PSD3: variants seen among roughly 807,000 people sequenced by gnomAD.
PSD3 encodes pleckstrin and Sec7 domain containing 3.
Under a neutral mutation model 105.5 loss-of-function variants are expected in PSD3, and 49 were observed. That is an observed-to-expected ratio of 0.46 (90% CI 0.37 to 0.59). The LOEUF (loss-of-function observed/expected upper bound fraction) is 0.59. Among genes scored for constraint, PSD3 ranks in the 20% least tolerant of loss-of-function variants. The pLI, the probability that PSD3 is intolerant of heterozygous loss-of-function variation, is 0.00. For missense variants in PSD3, 1,561 were observed against 1,263.8 expected (o/e 1.24, Z -3.57); for synonymous variants, 557 against 457.8 (o/e 1.22, Z -2.77).
At chr8:18,942,757 A>C (rs1160534608) in intron 1 of PSD3, among the ~76,000 whole-genome samples, 1 of 152,036 alleles carries the variant, frequency 6.6e-6, no homozygotes, top group Non-Finnish European at 1.5e-5. Flanking sequence ...TCGAATTTCT[A>C]CTCTCTAGAA....
At chr8:18,662,826 G>A (rs1684325536) in intron 9 of PSD3, among the ~76,000 whole-genome samples, 1 of 152,098 alleles carries the variant, frequency 6.6e-6, no homozygotes, top group Non-Finnish European at 1.5e-5. Flanking sequence ...ATGACTACCT[G>A]CTCTCAAATC....
In PSD3 at chr8:18,936,019, T is replaced by C. The variant is rs761521441; in HGVS notation, c.130+15A>G. 3.9e-6 allele frequency: 6 copies of C among 1,528,028 alleles called. No individual in the cohort carries two copies. In the Admixed American group the frequency reaches 8.4e-5, roughly 21 times the overall value. 94.7% of individuals were successfully genotyped at this position (1,528,028 alleles called of 1,614,324 possible). ...ATATAGTTTACCTGGGAGAGGGATATGAGGAAATACTTACTAGTATCTGGA... is the reference window on the plus strand; with the variant it reads ...ATATAGTTTACCTGGGAGAGGGATACGAGGAAATACTTACTAGTATCTGGA... On this transcript the variant is annotated intron_variant, in intron 2 of 15. Transcript: ENST00000327040.
chr8:18,903,568 T>A (rs1471059124), intron 2 of PSD3, among the ~76,000 whole-genome samples: 1 of 152,146 alleles, frequency 6.6e-6, no homozygotes, highest in Non-Finnish European at 1.5e-5. Flanking sequence ...TATAGGCCAG[T>A]GTGTCTCAGC....
chr8:19,067,946 G>A (rs1325359837), intron 1 of PSD3, among the ~76,000 whole-genome samples: 1 of 152,142 alleles, frequency 6.6e-6, no homozygotes, highest in Non-Finnish European at 1.5e-5. Flanking sequence ...TTGTGGGTAC[G>A]AAGGAAAATC....
intron 4 of PSD3, among the ~76,000 whole-genome samples, chr8:18,854,912 C>T (rs1815882272): frequency 6.6e-6 from 1 of 152,210 alleles, no homozygotes; most frequent in Non-Finnish European, 1.5e-5. Context: ...AAGCCTGCTT[C>T]AGACACGTAA....
intron 1 of PSD3, among the ~76,000 whole-genome samples, chr8:18,994,423 G>C (rs191864417): frequency 7.2e-5 from 11 of 152,116 alleles, no homozygotes; most frequent in Admixed American, 7.2e-4. Flanking sequence ...AGCAAATCAT[G>C]TGTTGGTATT....
chr8:19,065,543 T>C (rs1210109680), intron 1 of PSD3, among the ~76,000 whole-genome samples: 2 of 152,052 alleles, frequency 1.3e-5, no homozygotes, highest in Non-Finnish European at 2.9e-5. Context: ...CCTCCTTGGG[T>C]TTGATTAATT....
At chr8:18,617,100 G>T (rs10092297) in intron 11 of PSD3, among the ~76,000 whole-genome samples, 80,260 of 152,002 alleles carry the variant, frequency 0.53, 21,664 homozygotes, top group Middle Eastern at 0.71. Context: ...GCTTTGGTGA[G>T]TTGATTTTTC....
intron 1 of PSD3, among the ~76,000 whole-genome samples, chr8:19,030,831 G>A (rs1375562664): frequency 6.6e-6 from 1 of 152,078 alleles, no homozygotes; most frequent in Non-Finnish European, 1.5e-5. Context: ...CACAGCCTTT[G>A]AGAGCGATCC....
At chr8:19,068,330 C>T (rs1829144203) in intron 1 of PSD3, among the ~76,000 whole-genome samples, 3 of 151,540 alleles carry the variant, frequency 2.0e-5, no homozygotes, top group East Asian at 1.9e-4. Flanking sequence ...CACTCTGTTG[C>T]CCAGGCTGGA....
At chr8:18,910,855 G>A (rs1433944115) in intron 2 of PSD3, among the ~76,000 whole-genome samples, 9 of 149,320 alleles carry the variant, frequency 6.0e-5, no homozygotes, top group Admixed American at 2.7e-4. Context: ...CACAGAAGTC[G>A]AAAAAATAAA....
intron 14 of PSD3, among the ~76,000 whole-genome samples, chr8:18,570,448 C>G (rs540317853): frequency 2.2e-5 from 3 of 137,274 alleles, no homozygotes; most frequent in African/African-American, 8.1e-5. Context: ...GCAATGGCAA[C>G]AAAACACAAA....
intron 4 of PSD3, among the ~76,000 whole-genome samples, chr8:18,807,018 G>A (rs1202080423): frequency 6.6e-6 from 1 of 152,130 alleles, no homozygotes; most frequent in Non-Finnish European, 1.5e-5. Context: ...CTTTAATAAA[G>A]CAAGTGATAC....
At chr8:18,699,409 T>G (rs1170700539) in intron 9 of PSD3, among the ~76,000 whole-genome samples, 1 of 152,214 alleles carries the variant, frequency 6.6e-6, no homozygotes, top group African/African-American at 2.4e-5. Flanking sequence ...GATCATTTAC[T>G]ACAGTAATGT....
At chr8:18,562,026 A>G (rs1216696300) in intron 14 of PSD3, among the ~76,000 whole-genome samples, 1 of 152,224 alleles carries the variant, frequency 6.6e-6, no homozygotes, top group East Asian at 1.9e-4. Context: ...TAAAGGAAAC[A>G]ATAAAATAGA....
At chr8:18,694,304 T>G (rs1801140396) in intron 9 of PSD3, among the ~76,000 whole-genome samples, 1 of 152,200 alleles carries the variant, frequency 6.6e-6, no homozygotes, top group East Asian at 1.9e-4. Flanking sequence ...AAAACTCAAA[T>G]TAACTAAATT....
chr8:18,893,535 CT>C (rs1818947321), intron 2 of PSD3, among the ~76,000 whole-genome samples: 2 of 152,110 alleles, frequency 1.3e-5, no homozygotes, highest in Admixed American at 1.3e-4. Context: ...TTCAAACAGT[CT>C]AGTTTCGTCT....
intron 9 of PSD3, among the ~76,000 whole-genome samples, chr8:18,679,477 A>G (rs1800262595): frequency 6.6e-6 from 1 of 152,238 alleles, no homozygotes; most frequent in Non-Finnish European, 1.5e-5. Context: ...CTCCTAGTAC[A>G]GGAAGAGGTT....
chr8:18,630,532 G>C (rs528589893), intron 11 of PSD3, among the ~76,000 whole-genome samples: 1 of 152,060 alleles, frequency 6.6e-6, no homozygotes, highest in East Asian at 1.9e-4. Flanking sequence ...GCTAGGAAAT[G>C]AATCAATGAA....
Sources: gnomAD v4.1 joint callset for allele counts (sites outside exome capture counted in the v4.1 genomes callset) on GRCh38, gnomAD v4.1.1 for gene constraint, MANE v1.5 for transcripts, NCBI Gene and HGNC (gene_info 2026-07-23, HGNC 2026-07-21) for gene names.